Variants in PDE4DIP observed in about 807,000 individuals in gnomAD.
PDE4DIP encodes myomegalin.
Under a neutral mutation model 221.4 loss-of-function variants are expected in PDE4DIP, and 59 were observed. The observed-to-expected ratio is 0.27, with a 90% CI of 0.22 to 0.33. The LOEUF (loss-of-function observed/expected upper bound fraction) is 0.33, where lower values mean the gene tolerates loss of function less well. PDE4DIP is among the 10% of genes least tolerant of loss of function. The pLI is 1.00. For synonymous variants in PDE4DIP, 404 were observed against 815.9 expected (o/e 0.50, Z 8.60); for missense variants, 1,036 against 2,154.2 (o/e 0.48, Z 10.28).
intron 5 of PDE4DIP, chr1:148,953,155 C>G (rs782150592): frequency 3.0e-5 from 48 of 1,614,022 alleles, no homozygotes; most frequent in Non-Finnish European, 2.5e-6. Context: ...ATGCGAGATA[C>G]TCTGCACTGC....
At chr1:148,862,120 A>G (rs1368662931) in intron 1 of PDE4DIP, among the ~76,000 whole-genome samples, 52 of 139,806 alleles carry the variant, frequency 3.7e-4, no homozygotes, top group Admixed American at 2.1e-3. Context: ...GTCTACTGAA[A>G]ATTGCAATCC....
chr1:148,923,848 A>G (rs1285713326), intron 1 of PDE4DIP, among the ~76,000 whole-genome samples: 2 of 146,256 alleles, frequency 1.4e-5, no homozygotes, highest in African/African-American at 2.6e-5. Context: ...ACTTTGAGGT[A>G]ATTTTTGCAA....
intron 1 of PDE4DIP, among the ~76,000 whole-genome samples, chr1:148,915,177 T>A (rs1204489450): frequency 6.6e-6 from 1 of 151,712 alleles, no homozygotes; most frequent in Non-Finnish European, 1.5e-5. Context: ...AGACAGAGTA[T>A]GTCCCTGTTG....
chr1:148,981,489 G>T, intron 21 of PDE4DIP, 92 bp downstream of exon 24: 3 of 1,478,428 alleles, frequency 2.0e-6, no homozygotes, highest in Non-Finnish European at 2.8e-6. Context: ...AACCTTGTTT[G>T]CACTAACCAG....
In PDE4DIP at chr1:148,907,110, C is replaced by G. The variant is rs587595706; in HGVS notation, c.141+17216C>G. On this transcript the variant is annotated intron_variant, in intron 1 of 43. Transcript: ENST00000369354. ...TTCTGCTTGCTTTTGCTTTTGGTGTCCATTTGCATGAAATGTCTTTTTCCA... is the reference window on the plus strand; with the variant it reads ...TTCTGCTTGCTTTTGCTTTTGGTGTGCATTTGCATGAAATGTCTTTTTCCA... Among the ~76,000 whole-genome samples, 23 of 142,752 alleles carry G rather than the reference C, an allele frequency of 1.6e-4. 2 individuals are homozygous for G. The South Asian group carries it at 5.2e-3, about 32-fold the overall frequency. The allele number at this position is 142,752 out of a possible 152,430, so 93.7% of individuals were successfully genotyped here.
At chr1:148,955,906 A>G (rs1442882860) in intron 5 of PDE4DIP, among the ~76,000 whole-genome samples, 2 of 151,632 alleles carry the variant, frequency 1.3e-5, no homozygotes, top group Non-Finnish European at 3.0e-5. Flanking sequence ...TTCAGCTTCA[A>G]GAAATGTGGC....
In PDE4DIP at chr1:148,960,862, C is replaced by G; in HGVS notation, c.768+77C>G. The G allele has an allele frequency of 5.8e-6, 3 of 515,356 alleles. No individual in the cohort carries two copies. In the South Asian group the frequency reaches 9.6e-5, roughly 16 times the overall value. 31.9% of individuals were successfully genotyped at this position (515,356 alleles called of 1,614,324 possible). A position where few individuals can be genotyped will look rare whatever the true frequency, so the allele number is the denominator to read the frequency against. On this transcript the variant is annotated intron_variant, in intron 6 of 43. Coordinates refer to ENST00000369354, the Ensembl canonical transcript of PDE4DIP. ...ACTGGCTCTAGCCTGAGTCTGTCAA[C>G]CTTTGTAGGACTTGGGAGATGAATA...
chr1:148,928,952 CA>C (rs2047255488), intron 1 of PDE4DIP, among the ~76,000 whole-genome samples: 1 of 81,548 alleles, frequency 1.2e-5, no homozygotes, highest in Non-Finnish European at 2.4e-5. Context: ...GTTCATGATC[CA>C]GGGGTAATGA....
chr1:149,026,304 TC>T (rs2075146745), intron 38 of PDE4DIP: 1 of 153,408 alleles, frequency 6.5e-6, no homozygotes, highest in Non-Finnish European at 1.4e-5. Flanking sequence ...GAATGTTGAG[TC>T]CCCCATGAAT....
At chr1:149,000,856 G>T (rs587636578) in intron 23 of PDE4DIP, among the ~76,000 whole-genome samples, 320 of 151,554 alleles carry the variant, frequency 2.1e-3, no homozygotes, top group African/African-American at 7.3e-3. Flanking sequence ...GAATAGACTT[G>T]TTACAGCCAT....
chr1:149,000,321 A>C (rs1553573452), intron 23 of PDE4DIP, among the ~76,000 whole-genome samples: 1 of 152,182 alleles, frequency 6.6e-6, no homozygotes, highest in Non-Finnish European at 1.5e-5. Flanking sequence ...TTGGGAGGCC[A>C]AGGCAGGCGG....
chr1:148,974,992 G>A (rs2059863556), intron 17 of PDE4DIP, among the ~76,000 whole-genome samples: 1 of 84,626 alleles, frequency 1.2e-5, no homozygotes, highest in Non-Finnish European at 2.4e-5. Context: ...CCAATATGAC[G>A]AAACCCCGTC....
chr1:148,863,492 G>A (rs1553403618), intron 2 of PDE4DIP, among the ~76,000 whole-genome samples, 187 bp downstream of exon 2: 2 of 88,732 alleles, frequency 2.3e-5, no homozygotes, highest in Non-Finnish European at 2.2e-5. Flanking sequence ...GAGTAGCTGG[G>A]ACTATAGACA....
At chr1:148,926,629 A>G (rs2046773104) in intron 1 of PDE4DIP, among the ~76,000 whole-genome samples, 1 of 149,352 alleles carries the variant, frequency 6.7e-6, no homozygotes, top group Non-Finnish European at 1.5e-5. Flanking sequence ...CGATCCTCTC[A>G]GGTAGGTTTA....
chr1:148,855,691 G>GA (rs1213129524), intron 1 of PDE4DIP, among the ~76,000 whole-genome samples: 3 of 126,196 alleles, frequency 2.4e-5, no homozygotes, highest in African/African-American at 7.9e-5. Flanking sequence ...CTTGAGATGA[G>GA]AAAAAATGAT....
chr1:148,863,291 C>T (rs1553403256), exon 2 of PDE4DIP: 9 of 462,588 alleles, frequency 1.9e-5, no homozygotes, highest in African/African-American at 3.9e-5. Context: ...GTACCCAGAA[C>T]GAGTCACACA....
intron 1 of PDE4DIP, among the ~76,000 whole-genome samples, chr1:148,916,004 T>G (rs1403263363): frequency 3.4e-5 from 5 of 147,882 alleles, no homozygotes; most frequent in African/African-American, 1.3e-4. Flanking sequence ...GACCACAGGA[T>G]TAACTGTGAT....
At position 148,970,464 on chromosome 1, in the gene PDE4DIP, CAGG is replaced by C. The variant is rs1173313316; in HGVS notation, c.1980+1437_1980+1439del. On this transcript the variant is annotated intron_variant, in intron 14 of 43. Transcript: ENST00000369354. ...AGAATAATGGAGATGATGGAAATTA[CAGG>C]AGATTTTTCAACTCAAGAAGATTAA... Among the ~76,000 whole-genome samples the C allele has an allele frequency of 6.5e-4, 99 of 151,808 alleles. 1 individual carries two copies. The East Asian group carries it at 0.017, about 26-fold the overall frequency.
chr1:148,987,189 C>A (rs2062061633), intron 21 of PDE4DIP, among the ~76,000 whole-genome samples: 1 of 152,152 alleles, frequency 6.6e-6, no homozygotes, highest in Non-Finnish European at 1.5e-5. Flanking sequence ...GACAAAGATA[C>A]ACCATAAAGG....
Sources: gnomAD v4.1 joint callset for allele counts (sites outside exome capture counted in the v4.1 genomes callset) on GRCh38, gnomAD v4.1.1 for gene constraint, MANE v1.5 for transcripts, NCBI Gene and HGNC (gene_info 2026-07-23, HGNC 2026-07-21) for gene names.